ATF4: variants seen among roughly 807,000 people sequenced by gnomAD.
The protein encoded by ATF4 is cyclic AMP-dependent transcription factor ATF-4.
A neutral mutation model predicts 21.0 loss-of-function variants in ATF4; 8 were observed. The observed-to-expected ratio is 0.38, with a 90% CI of 0.22 to 0.69. The LOEUF (loss-of-function observed/expected upper bound fraction) is 0.69. Ranked by LOEUF, ATF4 falls within the 30% of genes least tolerant of loss-of-function variation. The probability of loss-of-function intolerance (pLI) is 0.49; values close to 1 mark genes in which losing one functional copy is unlikely to be tolerated. For synonymous variants in ATF4, 241 were observed against 166.4 expected, an observed-to-expected ratio of 1.45 and a Z score of -3.45; for missense variants, 549 against 425.9, an observed-to-expected ratio of 1.29 and a Z score of -2.54.
Position 39,522,282 on chromosome 22 carries a change from C to G in ATF4, c.736C>G (p.Leu246Val). 6.2e-7 allele frequency: 1 copy of G among 1,607,734 alleles called. No homozygotes were observed. The change falls in exon 3 of 3, where the codon CTC (leucine) becomes GTC (valine). Residue 246 changes from leucine (L) to valine (V), a missense_variant. By Grantham distance (32) the Leu-to-Val change is conservative (BLOSUM62 1). Coordinates refer to ENST00000674920, the MANE Select transcript of ATF4 (RefSeq NM_182810.3). ...PSTRGSPNRS[L>V]PSPGVLCGSA... is the part of the protein sequence containing the mutation. ...TACCAGGGGCTCTCCAAATAGGAGC[C>G]TCCCATCTCCAGGTGTTCTCTGTGG...
chr22:39,522,104 G>A lies in ATF4; in HGVS notation c.558G>A (p.Val186=), dbSNP rs1930989031. 1 of 1,613,864 alleles carries A rather than the reference G, an allele frequency of 6.2e-7. No homozygotes were observed. Among genetic ancestry groups the A allele is most frequent in the Non-Finnish European group, 8.5e-7 (1 of 1,179,792 alleles). ...HSFSLELGSE[V]DITEGDRKPD... ...TTAGTTTAGAGCTGGGCAGTGAAGT[G>A]GATATCACTGAAGGAGATAGGAAGC... Residue 186 remains valine, a synonymous_variant, in exon 3 of 3, where the codon GTG becomes GTA. Transcript: ENST00000674920.
chr22:39,521,046 A>T (rs1232034957), intron 1 of ATF4: 1 of 152,872 alleles, frequency 6.5e-6, no homozygotes, highest in African/African-American at 2.5e-5. Context: ...AGGAACCAAG[A>T]TGGCGGCGGC....
In ATF4 at chr22:39,522,168, A is replaced by G. The variant is rs564601363; in HGVS notation, c.622A>G (p.Ile208Val). 5.8e-5 allele frequency: 94 copies of G among 1,613,134 alleles called. No homozygotes were observed. The Admixed American group carries it at 6.7e-4, about 11-fold the overall frequency. The change falls in exon 3 of 3, where the codon ATA becomes GTA. Residue 208 changes from isoleucine to valine, a missense_variant. Transcript: ENST00000674920. ...TAYVAMIPQC[I>V]KEEDTPSDND... ...TTACGTTGCCATGATCCCTCAGTGC[A>G]TAAAGGAGGAAGACACCCCTTCAGA...
Position 39,521,701 on chromosome 22 carries a change from T to C in ATF4, c.226+30T>C, listed in dbSNP as rs1171019882. ...GTGGGCCACCACCACATCGTCCTGGTGGGATCTAGGGTTAGGGGCCTCCTA... is the reference window on the plus strand; with the variant it reads ...GTGGGCCACCACCACATCGTCCTGGCGGGATCTAGGGTTAGGGGCCTCCTA... On this transcript the variant is annotated intron_variant, in intron 2 of 2. Coordinates refer to ENST00000674920, the MANE Select transcript of ATF4 (RefSeq NM_182810.3). The C allele has an allele frequency of 9.3e-6, 15 of 1,611,064 alleles. No individual in the cohort carries two copies. The Admixed American group carries it at 2.5e-4, about 27-fold the overall frequency.
rs766938280 is a variant in ATF4, at chr22:39,521,691, A to C, written c.226+20A>C. ...GCAAGGGTGAGTGGGCCACCACCAC[A>C]TCGTCCTGGTGGGATCTAGGGTTAG... On this transcript the variant is annotated intron_variant, in intron 2 of 2. Coordinates refer to ENST00000674920, the MANE Select transcript of ATF4 (RefSeq NM_182810.3). 9.3e-6 allele frequency: 15 copies of C among 1,611,164 alleles called. 3 individuals are homozygous for C. The South Asian group carries it at 1.7e-4, about 18-fold the overall frequency.
Position 39,522,307 on chromosome 22 carries a change from G to C in ATF4, c.761G>C (p.Gly254Ala), listed in dbSNP as rs1931010812. 6.2e-7 allele frequency: 1 copy of C among 1,612,150 alleles called. No individual in the cohort carries two copies. Among genetic ancestry groups the C allele is most frequent in the Non-Finnish European group, 8.5e-7 (1 of 1,179,248 alleles). The change falls in exon 3 of 3, where the codon GGG becomes GCG. Residue 254 changes from glycine (G) to alanine (A), a missense_variant. Coordinates refer to ENST00000674920, the MANE Select transcript of ATF4 (RefSeq NM_182810.3). Reference protein sequence around the residue: ...RSLPSPGVLCGSARPKPYDPP... With the variant: ...RSLPSPGVLCASARPKPYDPP... ...CTCCCATCTCCAGGTGTTCTCTGTG[G>C]GTCTGCCCGTCCCAAACCTTACGAT... is the stretch of plus-strand genomic sequence containing the variant.
In ATF4 at chr22:39,522,036, C is replaced by G. The variant is rs757892971; in HGVS notation, c.490C>G (p.Pro164Ala). The G allele has an allele frequency of 1.2e-6, 2 of 1,613,918 alleles. No homozygotes were observed. Among genetic ancestry groups the G allele is most frequent in the South Asian group, 1.1e-5 (1 of 91,076 alleles). Residue 164 changes from proline to alanine, a missense_variant, in exon 3 of 3, where the codon CCC (proline) becomes GCC (alanine). By Grantham distance (27) the Pro-to-Ala change is conservative. Coordinates refer to ENST00000674920, the MANE Select transcript of ATF4 (RefSeq NM_182810.3). ...CCCCTTCACCTTCTTACAACCTCTTCCCCTTTCCCCAGGGGTCCTGTCCTC... is the reference window on the plus strand; with the variant it reads ...CCCCTTCACCTTCTTACAACCTCTTGCCCTTTCCCCAGGGGTCCTGTCCTC... ...VAPFTFLQPL[P>A]LSPGVLSSTP...
In ATF4 at chr22:39,521,924, A is replaced by G. The variant is rs186327285; in HGVS notation, c.378A>G (p.Leu126=). ...ACACTTGTGATCTCTTTGCCCCCCT[A>G]GTCCAGGAGACTAATAAGCAGCCCC... ...LDDTCDLFAP[L]VQETNKQPPQ... Residue 126 remains leucine, a synonymous_variant, in exon 3 of 3, where the codon CTA becomes CTG. Transcript: ENST00000674920. The G allele has an allele frequency of 8.8e-6, 14 of 1,598,446 alleles. No individual in the cohort carries two copies. In the African/African-American group the frequency reaches 1.8e-4, roughly 20 times the overall value.
At position 39,522,158 on chromosome 22, in the gene ATF4, C is replaced by T. The variant is rs754482333; in HGVS notation, c.612C>T (p.Ile204=). The part of the protein sequence containing the change: ...KPDYTAYVAM[I]PQCIKEEDTP... ...ACTACACTGCTTACGTTGCCATGAT[C>T]CCTCAGTGCATAAAGGAGGAAGACA... Residue 204 remains isoleucine, a synonymous_variant, in exon 3 of 3, where the codon ATC becomes ATT. Transcript: ENST00000674920. 6.8e-6 allele frequency: 11 copies of T among 1,613,452 alleles called. No homozygotes were observed. In the South Asian group the frequency reaches 8.8e-5, roughly 13 times the overall value.
At position 39,522,056 on chromosome 22, in the gene ATF4, G is replaced by A; in HGVS notation, c.510G>A (p.Leu170=). 6.2e-7 allele frequency: 1 copy of A among 1,613,894 alleles called. No individual in the cohort carries two copies. Among genetic ancestry groups the A allele is most frequent in the South Asian group, 1.1e-5 (1 of 91,066 alleles). ...CTCTTCCCCTTTCCCCAGGGGTCCT[G>A]TCCTCCACTCCAGATCATTCCTTTA... The part of the protein sequence containing the change: ...LQPLPLSPGV[L]SSTPDHSFSL... The change falls in exon 3 of 3, where the codon CTG becomes CTA. Residue 170 remains leucine, a synonymous_variant. Transcript: ENST00000674920.
rs767028222 is a variant in ATF4 at position 39,521,618 on chromosome 22, C to T, written c.173C>T (p.Ser58Phe). Reference sequence around the variant, plus strand: ...TCCAGCGACAAGGCTAAGGCGGGCTCCTCCGAATGGCTGGCTGTGGATGGG... The same window carrying T: ...TCCAGCGACAAGGCTAAGGCGGGCTTCTCCGAATGGCTGGCTGTGGATGGG... ...GFSSDKAKAG[S>F]SEWLAVDGLV... is the part of the protein sequence containing the mutation. Residue 58 changes from serine to phenylalanine, a missense_variant, in exon 2 of 3, where the codon TCC becomes TTC. Transcript: ENST00000674920. 2.0e-5 allele frequency: 33 copies of T among 1,614,020 alleles called. No individual in the cohort carries two copies. Among genetic ancestry groups the T allele is most frequent in the Non-Finnish European group, 2.7e-5 (32 of 1,180,032 alleles).
In ATF4 at chr22:39,522,071, T is replaced by G; in HGVS notation, c.525T>G (p.Asp175Glu). Residue 175 changes from aspartate to glutamate, a missense_variant, in exon 3 of 3, where the codon GAT becomes GAG. Coordinates refer to ENST00000674920, the MANE Select transcript of ATF4 (RefSeq NM_182810.3). The part of the protein sequence containing the change: ...LSPGVLSSTP[D>E]HSFSLELGSE... ...CAGGGGTCCTGTCCTCCACTCCAGA[T>G]CATTCCTTTAGTTTAGAGCTGGGCA... 2.5e-6 allele frequency: 4 copies of G among 1,613,948 alleles called. No homozygotes were observed. Among genetic ancestry groups the G allele is most frequent in the Non-Finnish European group, 3.4e-6 (4 of 1,179,854 alleles).
Position 39,521,622 on chromosome 22 carries a change from C to T in ATF4, c.177C>T (p.Ser59=), listed in dbSNP as rs536034941. Residue 59 remains serine (S), a synonymous_variant, in exon 2 of 3, where the codon TCC becomes TCT. Transcript: ENST00000674920. The part of the protein sequence containing the change: ...FSSDKAKAGS[S]EWLAVDGLVS... ...GCGACAAGGCTAAGGCGGGCTCCTC[C>T]GAATGGCTGGCTGTGGATGGGTTGG... The T allele has an allele frequency of 8.1e-6, 13 of 1,614,168 alleles. No individual in the cohort carries two copies. Among genetic ancestry groups the T allele is most frequent in the Admixed American group, 1.7e-5 (1 of 60,024 alleles).
chr22:39,521,770 C>T lies in ATF4; in HGVS notation c.227-3C>T, dbSNP rs1930959324. On this transcript the variant is annotated splice_polypyrimidine_tract_variant and splice_region_variant and intron_variant, in intron 2 of 2. Transcript: ENST00000674920. Reference sequence around the variant, plus strand: ...TTGGCCCCATCACTCAAATGTTTTGCAGAGGATGCCTTCTCCGGGACAGAT... The same window carrying T: ...TTGGCCCCATCACTCAAATGTTTTGTAGAGGATGCCTTCTCCGGGACAGAT... The T allele has an allele frequency of 8.7e-6, 14 of 1,613,562 alleles. No homozygotes were observed. Among genetic ancestry groups the T allele is most frequent in the African/African-American group, 2.7e-5 (2 of 75,044 alleles).
intron 2 of ATF4, 28 bp downstream of exon 2, chr22:39,521,699 G>T (rs771487056): frequency 6.5e-5 from 105 of 1,611,244 alleles, no homozygotes; most frequent in Non-Finnish European, 8.3e-5. Context: ...ACATCGTCCT[G>T]GTGGGATCTA....
At position 39,521,401 on chromosome 22, in the gene ATF4, C is replaced by A; in HGVS notation, c.-45C>A. The stretch of plus-strand genomic sequence containing the variant: ...AGCGTTGCTGTAACCGACAAAGACA[C>A]CTTCGAATTAAGCACATTCCTCGAT... On this transcript the variant is annotated 5_prime_UTR_variant, in exon 2 of 3. Transcript: ENST00000674920. The A allele has an allele frequency of 1.3e-6, 2 of 1,486,688 alleles. No homozygotes were observed. The highest frequency in any genetic ancestry group is 1.8e-6 in the Non-Finnish European group (2 of 1,107,460). The allele number at this position is 1,486,688 out of a possible 1,614,324, so 92.1% of individuals were successfully genotyped here. A position where few individuals can be genotyped will look rare whatever the true frequency, so the allele number is the denominator to read the frequency against.
rs777862308 is a variant in ATF4, at chr22:39,522,445, G to A, written c.899G>A (p.Arg300Lys). ...TAATRYRQKKRAEQEALTGEC... is the reference protein window; with the variant it reads ...TAATRYRQKKKAEQEALTGEC... The stretch of plus-strand genomic sequence containing the variant: ...GCCACTAGGTACCGCCAGAAGAAGA[G>A]GGCGGAGCAGGAGGCTCTTACTGGT... Residue 300 changes from arginine (R) to lysine (K), a missense_variant, in exon 3 of 3, where the codon AGG becomes AAG. Coordinates refer to ENST00000674920, the MANE Select transcript of ATF4 (RefSeq NM_182810.3). 5.0e-6 allele frequency: 8 copies of A among 1,613,648 alleles called. No individual in the cohort carries two copies. Among genetic ancestry groups the A allele is most frequent in the Non-Finnish European group, 5.9e-6 (7 of 1,179,784 alleles).
At position 39,520,713 on chromosome 22, in the gene ATF4, G is replaced by A. The variant is rs1376634640; in HGVS notation, c.-131G>A. On this transcript the variant is annotated 5_prime_UTR_variant, in exon 1 of 3. Transcript: ENST00000674920. ...CTTTGCAGCGGCGGCAGCAGCACCA[G>A]GCTCTGCAGCGGCAACCCCCAGCGG... 2.0e-5 allele frequency: 3 copies of A among 153,492 alleles called. No individual in the cohort carries two copies. The highest frequency in any genetic ancestry group is 7.2e-5 in the African/African-American group (3 of 41,478). The allele number at this position is 153,492 out of a possible 1,614,324, so 9.5% of individuals were successfully genotyped here. A position where few individuals can be genotyped will look rare whatever the true frequency, so the allele number is the denominator to read the frequency against.
Position 39,522,267 on chromosome 22 carries a change from T to C in ATF4, c.721T>C (p.Ser241Pro). 6.2e-7 allele frequency: 1 copy of C among 1,606,814 alleles called. No homozygotes were observed. Among genetic ancestry groups the C allele is most frequent in the Non-Finnish European group, 8.5e-7 (1 of 1,176,992 alleles). The part of the protein sequence containing the change: ...SPQHSPSTRG[S>P]PNRSLPSPGV... ...TCAGCACAGCCCCTCTACCAGGGGC[T>C]CTCCAAATAGGAGCCTCCCATCTCC... The change falls in exon 3 of 3, where the codon TCT (serine) becomes CCT (proline). Residue 241 changes from serine (S) to proline (P), a missense_variant. Coordinates refer to ENST00000674920, the MANE Select transcript of ATF4 (RefSeq NM_182810.3).
Sources: allele counts gnomAD v4.1 joint callset, GRCh38; gene constraint gnomAD v4.1.1; transcripts MANE v1.5; gene names NCBI Gene and HGNC (gene_info 2026-07-23, HGNC 2026-07-21).